The following MARCHF1 variants were observed in gnomAD, a reference collection of about 807,000 sequenced individuals.
MARCHF1 encodes E3 ubiquitin-protein ligase MARCHF1.
Under a neutral mutation model 54.2 loss-of-function variants are expected in MARCHF1, and 40 were observed. The ratio of observed to expected loss-of-function variants is 0.74; its 90% CI spans 0.57 to 0.96. The LOEUF is 0.96. MARCHF1 is among the 40% of genes least tolerant of loss of function. The pLI is 0.00. For missense variants in MARCHF1, 586 were observed against 656.5 expected (o/e 0.89, Z 1.17); for synonymous variants, 236 against 236.3 (o/e 1.00, Z 0.01).
intron 1 of MARCHF1, among the ~76,000 whole-genome samples, chr4:164,161,188 T>G (rs114995089): frequency 0.011 from 1,626 of 152,188 alleles, 36 homozygotes; most frequent in African/African-American, 0.037. Flanking sequence ...CTTGGTTCTG[T>G]CCTCGTGATA....
intron 3 of MARCHF1, among the ~76,000 whole-genome samples, chr4:163,903,795 G>A (rs1451666441): frequency 6.6e-6 from 1 of 151,848 alleles, no homozygotes; most frequent in Non-Finnish European, 1.5e-5. Context: ...TGTATTTTTT[G>A]TAGAGATATA....
intron 4 of MARCHF1, among the ~76,000 whole-genome samples, chr4:163,839,652 C>T (rs1347803507): frequency 1.3e-5 from 2 of 152,042 alleles, no homozygotes; most frequent in East Asian, 1.9e-4. Context: ...AGATTAGACA[C>T]ATCTACAGAG....
At chr4:163,869,902 C>T (rs1388814514) in intron 3 of MARCHF1, among the ~76,000 whole-genome samples, 5 of 152,068 alleles carry the variant, frequency 3.3e-5, no homozygotes, top group African/African-American at 1.2e-4. Context: ...AAGCTTATAT[C>T]TGAGTCAACA....
In MARCHF1 at chr4:163,732,859, A is replaced by G. The variant is rs546952155; in HGVS notation, c.112-31996T>C. Reference sequence around the variant, plus strand: ...CCCCCAGCAGACTTACACTATAAGAAATGTTAAAGAAGCCGGATGCGGTGG... The same window carrying G: ...CCCCCAGCAGACTTACACTATAAGAGATGTTAAAGAAGCCGGATGCGGTGG... On this transcript the variant is annotated intron_variant, in intron 4 of 9. Transcript: ENST00000514618. Among the ~76,000 whole-genome samples, 81 of 152,234 alleles carry G rather than the reference A, an allele frequency of 5.3e-4. 1 individual carries two copies. The highest frequency in any genetic ancestry group is 1.9e-3 in the African/African-American group (80 of 41,544).
chr4:163,677,278 G>C (rs138780920), intron 5 of MARCHF1, among the ~76,000 whole-genome samples: 1 of 151,922 alleles, frequency 6.6e-6, no homozygotes, highest in African/African-American at 2.4e-5. Flanking sequence ...AGCTTCCCCC[G>C]TTATCAGAAT....
At chr4:164,141,394 T>C (rs1057105628) in intron 1 of MARCHF1, among the ~76,000 whole-genome samples, 2 of 152,230 alleles carry the variant, frequency 1.3e-5, no homozygotes, top group Non-Finnish European at 2.9e-5. Flanking sequence ...TTTAGACAAC[T>C]ACTTACAAAG....
intron 1 of MARCHF1, among the ~76,000 whole-genome samples, chr4:164,164,570 T>C (rs563288608): frequency 1.8e-4 from 28 of 152,110 alleles, no homozygotes; most frequent in African/African-American, 6.5e-4. Flanking sequence ...AACAAAGAAA[T>C]GCTGAATGTT....
chr4:163,738,257 G>A (rs1746103156), intron 4 of MARCHF1, among the ~76,000 whole-genome samples: 5 of 152,074 alleles, frequency 3.3e-5, no homozygotes, highest in Admixed American at 3.3e-4. Flanking sequence ...AGTAAACATC[G>A]GTTTTTCTCA....
intron 4 of MARCHF1, among the ~76,000 whole-genome samples, chr4:163,747,701 TAAC>T (rs1370439904): frequency 6.6e-6 from 1 of 152,144 alleles, no homozygotes; most frequent in Non-Finnish European, 1.5e-5. Context: ...AAAACTCACA[TAAC>T]AATAAATTAG....
intron 1 of MARCHF1, among the ~76,000 whole-genome samples, chr4:164,149,745 G>C (rs918142568): frequency 6.6e-6 from 1 of 152,122 alleles, no homozygotes; most frequent in African/African-American, 2.4e-5. Context: ...TAAATGAGAA[G>C]ATTCTAGAGC....
At chr4:164,006,974 G>A (rs1354233278) in intron 2 of MARCHF1, among the ~76,000 whole-genome samples, 3 of 34,906 alleles carry the variant, frequency 8.6e-5, no homozygotes, top group Admixed American at 9.1e-4. Context: ...AAATAATAGA[G>A]GGAGCTCTGA....
intron 2 of MARCHF1, among the ~76,000 whole-genome samples, chr4:164,103,980 C>T (rs1755632390): frequency 1.3e-5 from 2 of 150,796 alleles, no homozygotes; most frequent in African/African-American, 5.0e-5. Flanking sequence ...GGGAATACTA[C>T]AAACACCTCT....
chr4:163,881,246 G>A (rs894033306), intron 3 of MARCHF1, among the ~76,000 whole-genome samples: 8 of 152,110 alleles, frequency 5.3e-5, no homozygotes, highest in Non-Finnish European at 1.0e-4. Flanking sequence ...AGGCCGAGGC[G>A]GGCGGATTAT....
At chr4:164,203,490 G>C (rs550330884) in intron 1 of MARCHF1, among the ~76,000 whole-genome samples, 4 of 152,154 alleles carry the variant, frequency 2.6e-5, no homozygotes, top group Non-Finnish European at 4.4e-5. Context: ...CTCCATGGAA[G>C]ATAGTCTTTT....
At chr4:163,967,677 C>T (rs1579428402) in intron 3 of MARCHF1, among the ~76,000 whole-genome samples, 2 of 152,104 alleles carry the variant, frequency 1.3e-5, no homozygotes, top group South Asian at 4.1e-4. Flanking sequence ...CCTATTCACC[C>T]ATCTATCTAT....
intron 1 of MARCHF1, among the ~76,000 whole-genome samples, chr4:164,382,463 T>C (rs1196000021): frequency 6.6e-6 from 1 of 152,222 alleles, no homozygotes; most frequent in East Asian, 1.9e-4. Context: ...ATCTCCTTAA[T>C]GTTCAAGGAT....
intron 2 of MARCHF1, among the ~76,000 whole-genome samples, chr4:164,096,973 T>C (rs892754605): frequency 6.6e-6 from 1 of 152,150 alleles, no homozygotes; most frequent in Non-Finnish European, 1.5e-5. Context: ...GGGAGTCTAC[T>C]AACAATTTAG....
intron 5 of MARCHF1, among the ~76,000 whole-genome samples, chr4:163,678,502 G>A (rs1038451898): frequency 5.9e-5 from 9 of 152,180 alleles, no homozygotes; most frequent in African/African-American, 1.2e-4. Flanking sequence ...AAGTTCAAAT[G>A]TCAGGCAGAC....
At chr4:163,902,837 T>C (rs1274760566) in intron 3 of MARCHF1, among the ~76,000 whole-genome samples, 2 of 152,180 alleles carry the variant, frequency 1.3e-5, no homozygotes, top group African/African-American at 2.4e-5. Flanking sequence ...TCCTTAAACA[T>C]TGTATGTCTA....
Sources: allele counts gnomAD v4.1 joint callset (sites outside exome capture counted in the v4.1 genomes callset), GRCh38; gene constraint gnomAD v4.1.1; transcripts MANE v1.5; gene names NCBI Gene and HGNC (gene_info 2026-07-23, HGNC 2026-07-21).